B3GAT2: variants seen among roughly 807,000 people sequenced by gnomAD.
B3GAT2 encodes galactosylgalactosylxylosylprotein 3-beta-glucuronosyltransferase 2.
In B3GAT2, 26 loss-of-function variants were observed where a neutral mutation model predicts 27.8. The observed-to-expected ratio is 0.93, with a 90% CI of 0.68 to 1.30. The LOEUF (loss-of-function observed/expected upper bound fraction) is 1.30, where lower values mean the gene tolerates loss of function less well. Among genes scored for constraint, B3GAT2 ranks in the 50% most tolerant of loss-of-function variants. The pLI is 0.00. For missense variants in B3GAT2, 458 were observed against 459.0 expected (o/e 1.00, Z 0.02); for synonymous variants, 218 against 195.1 (o/e 1.12, Z -0.98).
intron 1 of B3GAT2, among the ~76,000 whole-genome samples, chr6:70,932,448 G>T (rs368578701): frequency 1.3e-5 from 2 of 152,132 alleles, no homozygotes; most frequent in East Asian, 1.9e-4. Flanking sequence ...ACATATAATA[G>T]AATGTTATTC....
At chr6:70,909,822 G>A (rs1772661113) in intron 1 of B3GAT2, among the ~76,000 whole-genome samples, 1 of 152,108 alleles carries the variant, frequency 6.6e-6, no homozygotes, top group Non-Finnish European at 1.5e-5. Flanking sequence ...TGGCACATGT[G>A]TGACTTTAAG....
intron 1 of B3GAT2, among the ~76,000 whole-genome samples, chr6:70,910,826 C>T (rs571736601): frequency 2.6e-5 from 4 of 152,296 alleles, no homozygotes; most frequent in East Asian, 1.9e-4. Context: ...TCCATAACCT[C>T]GTCAACATCT....
intron 1 of B3GAT2, among the ~76,000 whole-genome samples, chr6:70,905,040 A>G (rs1223061910): frequency 3.3e-5 from 5 of 152,204 alleles, no homozygotes. Flanking sequence ...AGTTATCAGG[A>G]AACAAATAAA....
chr6:70,891,789 T>C (rs762935239), intron 2 of B3GAT2, among the ~76,000 whole-genome samples: 35 of 151,576 alleles, frequency 2.3e-4, no homozygotes, highest in Admixed American at 5.9e-4. Flanking sequence ...TGTGTGTACA[T>C]GTAACTTGGA....
At chr6:70,924,127 T>C (rs1772915666) in intron 1 of B3GAT2, among the ~76,000 whole-genome samples, 1 of 152,148 alleles carries the variant, frequency 6.6e-6, no homozygotes, top group African/African-American at 2.4e-5. Context: ...ACCCATACAT[T>C]TGTATTAATA....
chr6:70,940,758 C>A (rs1765380256), intron 1 of B3GAT2, among the ~76,000 whole-genome samples: 1 of 152,040 alleles, frequency 6.6e-6, no homozygotes, highest in Non-Finnish European at 1.5e-5. Context: ...TGAAACCCCA[C>A]CTTTACTAAA....
At chr6:70,873,949 C>T (rs1771976141) in intron 2 of B3GAT2, among the ~76,000 whole-genome samples, 1 of 152,008 alleles carries the variant, frequency 6.6e-6, no homozygotes, top group Non-Finnish European at 1.5e-5. Context: ...AGACATCATT[C>T]TCCCATTTTT....
At position 70,956,542 on chromosome 6, in the gene B3GAT2, T is replaced by A. The variant is rs1765661293; in HGVS notation, c.-113A>T. 3 of 1,508,494 alleles carry A rather than the reference T, an allele frequency of 2.0e-6. No individual in the cohort carries two copies. The African/African-American group carries it at 4.2e-5, about 21-fold the overall frequency. The allele number at this position is 1,508,494 out of a possible 1,614,324, so 93.4% of individuals were successfully genotyped here. ...ACTTAGGGAGTGGTGATGGGTGCGC[T>A]GTCCATGGGGCCGAGGGCGCTGCAG... On this transcript the variant is annotated 5_prime_UTR_variant, in exon 1 of 4. Transcript: ENST00000230053.
rs921863953 is a variant in B3GAT2 at position 70,956,250 on chromosome 6, A to G, written c.180T>C (p.Ala60=). ...ACTGGTTGCGCTTTTGGGTCCCGTG[A>G]GCCGGGCCGCCCCTGCGGAGCGGGA... ...ARLPLRRGGP[A]HGTQKRNQSR... Residue 60 remains alanine, a synonymous_variant, in exon 1 of 4, where the codon GCT becomes GCC. Transcript: ENST00000230053. The G allele has an allele frequency of 1.9e-6, 3 of 1,611,226 alleles. No homozygotes were observed. Among genetic ancestry groups the G allele is most frequent in the Non-Finnish European group, 2.5e-6 (3 of 1,178,552 alleles).
intron 1 of B3GAT2, among the ~76,000 whole-genome samples, chr6:70,944,277 C>A (rs933801772): frequency 6.6e-6 from 1 of 152,144 alleles, no homozygotes; most frequent in South Asian, 2.1e-4. Context: ...CGAGGCATTG[C>A]CTCACTCGGG....
At chr6:70,889,648 C>T (rs181612614) in intron 2 of B3GAT2, among the ~76,000 whole-genome samples, 13 of 152,242 alleles carry the variant, frequency 8.5e-5, no homozygotes, top group Admixed American at 5.2e-4. Context: ...GTGGCCATTG[C>T]ACCCTTCCTC....
chr6:70,862,582 A>G (rs866578125), intron 2 of B3GAT2, among the ~76,000 whole-genome samples: 8 of 152,208 alleles, frequency 5.3e-5, no homozygotes, highest in South Asian at 2.1e-4. Flanking sequence ...AAATCAGTGC[A>G]GGAGATATCA....
intron 1 of B3GAT2, among the ~76,000 whole-genome samples, chr6:70,910,837 G>A (rs1772678331): frequency 6.6e-6 from 1 of 152,126 alleles, no homozygotes. Context: ...GTCAACATCT[G>A]CTATTTTATA....
chr6:70,920,764 C>T (rs541513902), intron 1 of B3GAT2, among the ~76,000 whole-genome samples: 8 of 152,214 alleles, frequency 5.3e-5, no homozygotes, highest in African/African-American at 1.9e-4. Flanking sequence ...TTTGTGGTGG[C>T]CAGTAACAGT....
intron 1 of B3GAT2, among the ~76,000 whole-genome samples, chr6:70,900,289 C>G (rs1772475498): frequency 6.6e-6 from 1 of 152,214 alleles, no homozygotes; most frequent in Admixed American, 6.5e-5. Flanking sequence ...AGGCTGAATG[C>G]CATTTAAACT....
chr6:70,859,646 T>C lies in B3GAT2; in HGVS notation c.*2017A>G. On this transcript the variant is annotated 3_prime_UTR_variant, in exon 4 of 4. Coordinates refer to ENST00000230053, the MANE Select transcript of B3GAT2 (RefSeq NM_080742.3). ...ATCACAGGGTTAAGATGCTTATATATATATATATTTGACTCCAGTCTTGAA... is the reference window on the plus strand; with the variant it reads ...ATCACAGGGTTAAGATGCTTATATACATATATATTTGACTCCAGTCTTGAA... 3.5e-6 allele frequency: 1 copy of C among 289,678 alleles called. No individual in the cohort carries two copies. The highest frequency in any genetic ancestry group is 6.3e-6 in the Non-Finnish European group (1 of 157,754). The allele number at this position is 289,678 out of a possible 1,614,324, so 17.9% of individuals were successfully genotyped here.
intron 1 of B3GAT2, among the ~76,000 whole-genome samples, chr6:70,951,965 T>C (rs1322016529): frequency 6.6e-6 from 1 of 152,140 alleles, no homozygotes; most frequent in African/African-American, 2.4e-5. Context: ...GTAAATCTCA[T>C]GTTTCCTTTC....
intron 1 of B3GAT2, among the ~76,000 whole-genome samples, chr6:70,900,212 A>T (rs1186894106): frequency 6.6e-6 from 1 of 152,226 alleles, no homozygotes; most frequent in Non-Finnish European, 1.5e-5. Context: ...CAGCCAGAGT[A>T]ATCTCCATAG....
intron 2 of B3GAT2, among the ~76,000 whole-genome samples, chr6:70,886,909 C>A (rs1772197382): frequency 1.3e-5 from 2 of 152,146 alleles, no homozygotes; most frequent in Non-Finnish European, 2.9e-5. Context: ...GAATTACCAC[C>A]CCCTGGCAGC....
Sources: allele counts gnomAD v4.1 joint callset (sites outside exome capture counted in the v4.1 genomes callset), GRCh38; gene constraint gnomAD v4.1.1; transcripts MANE v1.5; gene names NCBI Gene and HGNC (gene_info 2026-07-23, HGNC 2026-07-21).